ASCC3: variants seen among roughly 807,000 people sequenced by gnomAD.
ASCC3 encodes the protein activating signal cointegrator 1 complex subunit 3, also known as ASC-1 complex subunit P200.
A neutral mutation model predicts 256.3 loss-of-function variants in ASCC3; 158 were observed. The ratio of observed to expected loss-of-function variants is 0.62; its 90% CI spans 0.54 to 0.70. The LOEUF is 0.70. Among genes scored for constraint, ASCC3 ranks in the 30% least tolerant of loss-of-function variants. The pLI, the probability that ASCC3 is intolerant of heterozygous loss-of-function variation, is 0.00. For synonymous variants in ASCC3, 948 were observed against 883.4 expected, an observed-to-expected ratio of 1.07 and a Z score of -1.30; for missense variants, 2,259 against 2,626.0, an observed-to-expected ratio of 0.86 and a Z score of 3.05.
intron 24 of ASCC3, among the ~76,000 whole-genome samples, chr6:100,641,886 C>T (rs923870358): frequency 2.5e-4 from 38 of 152,028 alleles, no homozygotes; most frequent in African/African-American, 9.2e-4. Flanking sequence ...AGCTGGAAAC[C>T]ATCATTCTCA....
intron 36 of ASCC3, among the ~76,000 whole-genome samples, chr6:100,587,771 T>C (rs1245503043): frequency 6.6e-6 from 1 of 152,210 alleles, no homozygotes; most frequent in Non-Finnish European, 1.5e-5. Flanking sequence ...TAACTGGTTT[T>C]ATATAGTGTA....
intron 10 of ASCC3, among the ~76,000 whole-genome samples, chr6:100,750,782 A>G (rs1380649963): frequency 6.6e-6 from 1 of 152,018 alleles, no homozygotes; most frequent in African/African-American, 2.4e-5. Flanking sequence ...CCAGCATGCC[A>G]CAGGTAAAAT....
intron 11 of ASCC3, 115 bp from the exon 12 acceptor site, chr6:100,718,366 G>C: frequency 1.3e-6 from 1 of 768,788 alleles, no homozygotes; most frequent in Non-Finnish European, 2.0e-6. Flanking sequence ...TGAGTGTAGA[G>C]GTCAATTGAG....
At chr6:100,729,438 G>T (rs531977442) in intron 10 of ASCC3, among the ~76,000 whole-genome samples, 2 of 152,108 alleles carry the variant, frequency 1.3e-5, no homozygotes, top group Non-Finnish European at 2.9e-5. Context: ...CTTTAGTGAA[G>T]AACAACTAGC....
chr6:100,603,903 ATTT>A (rs1282060990), intron 33 of ASCC3, among the ~76,000 whole-genome samples: 1 of 151,918 alleles, frequency 6.6e-6, no homozygotes, highest in Non-Finnish European at 1.5e-5. Context: ...CTTCTCGTAA[ATTT>A]TTTATCAGGT....
intron 10 of ASCC3, among the ~76,000 whole-genome samples, chr6:100,744,003 T>G (rs1428133992): frequency 6.6e-6 from 1 of 152,220 alleles, no homozygotes; most frequent in Non-Finnish European, 1.5e-5. Context: ...TAAACACTGA[T>G]TGTTAAATGA....
intron 1 of ASCC3, among the ~76,000 whole-genome samples, chr6:100,869,847 C>G (rs1225995237): frequency 6.6e-6 from 1 of 151,970 alleles, no homozygotes; most frequent in Non-Finnish European, 1.5e-5. Flanking sequence ...GCTGGTGGCT[C>G]TATCAAAAAT....
At position 100,723,874 on chromosome 6, in the gene ASCC3, A is replaced by ATATATATATTTATAAT. The variant is rs1180535746; in HGVS notation, c.1902+1664_1902+1665insATTATAAATATATATA. Among the ~76,000 whole-genome samples the ATATATATATTTATAAT allele has an allele frequency of 7.3e-4, 93 of 128,140 alleles. 7 individuals carry two copies. In the East Asian group the frequency reaches 0.02, roughly 27 times the overall value. 84.1% of individuals were successfully genotyped at this position (128,140 alleles called of 152,430 possible). On this transcript the variant is annotated intron_variant, in intron 11 of 41. Coordinates refer to ENST00000369162, the MANE Select transcript of ASCC3 (RefSeq NM_006828.4). ...TTATTAGGGAATTATATATATATAT[A>ATATATATATTTATAAT]TATATATATATATATATATATATTT... is the stretch of plus-strand genomic sequence containing the variant.
At chr6:100,753,466 C>A (rs1398144622) in intron 10 of ASCC3, among the ~76,000 whole-genome samples, 1 of 146,326 alleles carries the variant, frequency 6.8e-6, no homozygotes, top group Non-Finnish European at 1.5e-5. Flanking sequence ...CAGTAAAGGG[C>A]ATGAAAAAAT....
intron 25 of ASCC3, 52 bp downstream of exon 25, chr6:100,638,549 G>C: frequency 7.0e-7 from 1 of 1,431,950 alleles, no homozygotes; most frequent in Non-Finnish European, 9.7e-7. Context: ...CTAGTTTAGA[G>C]ATTATGAACT....
At chr6:100,873,298 T>C (rs1773839862) in intron 1 of ASCC3, among the ~76,000 whole-genome samples, 2 of 152,156 alleles carry the variant, frequency 1.3e-5, no homozygotes, top group South Asian at 4.2e-4. Flanking sequence ...AGACAAGGTT[T>C]TCTAATTAAC....
chr6:100,744,154 G>C (rs1562266150), intron 10 of ASCC3, among the ~76,000 whole-genome samples: 1 of 151,988 alleles, frequency 6.6e-6, no homozygotes, highest in Admixed American at 6.6e-5. Context: ...AAATCCTTTT[G>C]TGCTGATAAA....
Position 100,605,579 on chromosome 6 carries a change from T to A in ASCC3, c.5166A>T (p.Pro1722=). Residue 1722 remains proline, a synonymous_variant, in exon 33 of 42, where the codon CCA becomes CCT. Coordinates refer to ENST00000369162, the MANE Select transcript of ASCC3 (RefSeq NM_006828.4). ...FYKKFLYEPF[P]VESSLLGVLS... is the part of the protein sequence containing the mutation. Reference sequence around the variant, plus strand: ...TAAATAAGATTTACCTTGATTCTACTGGGAAAGGTTCATAAAGAAATTTTT... The same window carrying A: ...TAAATAAGATTTACCTTGATTCTACAGGGAAAGGTTCATAAAGAAATTTTT... The A allele has an allele frequency of 6.6e-7, 1 of 1,508,014 alleles. No homozygotes were observed. Among genetic ancestry groups the A allele is most frequent in the Non-Finnish European group, 9.2e-7 (1 of 1,084,290 alleles). The allele number at this position is 1,508,014 out of a possible 1,614,324, so 93.4% of individuals were successfully genotyped here.
At chr6:100,874,639 T>C (rs1773912104) in intron 1 of ASCC3, among the ~76,000 whole-genome samples, 1 of 152,156 alleles carries the variant, frequency 6.6e-6, no homozygotes, top group Non-Finnish European at 1.5e-5. Context: ...AGATATTTTA[T>C]GAGGCTCTAG....
intron 36 of ASCC3, among the ~76,000 whole-genome samples, chr6:100,554,516 A>G (rs1044345708): frequency 6.6e-6 from 1 of 152,206 alleles, no homozygotes; most frequent in Non-Finnish European, 1.5e-5. Context: ...GCTTTATGCT[A>G]TAACTTAATC....
chr6:100,691,047 T>C (rs943544965), intron 13 of ASCC3, among the ~76,000 whole-genome samples: 1 of 152,078 alleles, frequency 6.6e-6, no homozygotes, highest in African/African-American at 2.4e-5. Context: ...TCAACAATAC[T>C]TTACATCTCC....
intron 8 of ASCC3, among the ~76,000 whole-genome samples, chr6:100,795,660 T>C (rs1214777773): frequency 6.6e-6 from 1 of 152,164 alleles, no homozygotes; most frequent in African/African-American, 2.4e-5. Flanking sequence ...AATGGTATTT[T>C]TGCATGTACT....
chr6:100,740,436 A>G (rs189187931), intron 10 of ASCC3, among the ~76,000 whole-genome samples: 10 of 152,286 alleles, frequency 6.6e-5, no homozygotes, highest in South Asian at 4.1e-4. Flanking sequence ...AGTTCTGTAG[A>G]TATCTATCTG....
intron 11 of ASCC3, among the ~76,000 whole-genome samples, chr6:100,722,149 G>T (rs558659522): frequency 1.3e-5 from 2 of 151,840 alleles, no homozygotes; most frequent in African/African-American, 4.8e-5. Context: ...TTGTAGGTAT[G>T]TGGCTTTATT....
Sources: allele counts gnomAD v4.1 joint callset (sites outside exome capture counted in the v4.1 genomes callset), GRCh38; gene constraint gnomAD v4.1.1; transcripts MANE v1.5; gene names NCBI Gene and HGNC (gene_info 2026-07-23, HGNC 2026-07-21).